The following COL4A4 variants were observed in gnomAD, a reference collection of about 807,000 sequenced individuals.
COL4A4 encodes collagen type IV alpha 4 chain.
COL4A4 carries 105 observed loss-of-function variants against 192.9 expected under a neutral mutation model. That is an observed-to-expected ratio of 0.54 (90% CI 0.46 to 0.64). The LOEUF is 0.64. Ranked by LOEUF, COL4A4 falls within the 30% of genes least tolerant of loss-of-function variation. The pLI is 0.00. For missense variants in COL4A4, 1,967 were observed against 2,169.3 expected (o/e 0.91, Z 1.85); for synonymous variants, 762 against 769.9 (o/e 0.99, Z 0.17).
At chr2:226,990,524 T>G in the COL4A4 span, among the ~76,000 whole-genome samples, 1 of 152,210 alleles carries the variant, frequency 6.6e-6, no homozygotes, top group Non-Finnish European at 1.5e-5. Context: ...GATCTATGAA[T>G]AGCAGCAAAT....
At chr2:226,973,169 G>A in the COL4A4 span, among the ~76,000 whole-genome samples, 2 of 152,092 alleles carry the variant, frequency 1.3e-5, no homozygotes, top group African/African-American at 2.4e-5. Flanking sequence ...GTGTGTGTAC[G>A]GAACTATATA....
Position 227,012,208 on chromosome 2 carries a change from C to CTG in COL4A4, c.4304_4305dup (p.Gly1436GlnfsTer117). 1 of 1,614,064 alleles carries CTG rather than the reference C, an allele frequency of 6.2e-7. No individual in the cohort carries two copies. Among genetic ancestry groups the CTG allele is most frequent in the Non-Finnish European group, 8.5e-7 (1 of 1,179,926 alleles). ...GGTCCTCCAGGGTAGCCGTCTTCTC[C>CTG]TGTGTCACCTTTACGTCCGGGAGGC... On this transcript the variant is annotated frameshift_variant, in exon 45 of 48. Transcript: ENST00000396625. LOFTEE classifies it high-confidence loss of function.
At chr2:226,989,895 A>G in the COL4A4 span, among the ~76,000 whole-genome samples, 1 of 152,176 alleles carries the variant, frequency 6.6e-6, no homozygotes, top group African/African-American at 2.4e-5. Context: ...CTCCATTTCA[A>G]GGCTTCTTGT....
Position 227,101,865 on chromosome 2 carries a change from C to T in COL4A4, c.975G>A (p.Lys325=), listed in dbSNP as rs2060543331. The stretch of plus-strand genomic sequence containing the variant: ...TATCTCTATAATGAGGTACATTTAC[C>T]TTTAATCCTGGAAAACCTGGAGATC... The part of the protein sequence containing the change: ...SYGSPGFPGL[K]GELGLVGDPG... Residue 325 remains lysine, a splice_region_variant and synonymous_variant, in exon 16 of 48, where the codon AAG becomes AAA. Coordinates refer to ENST00000396625, the MANE Select transcript of COL4A4 (RefSeq NM_000092.5). 6.3e-7 allele frequency: 1 copy of T among 1,585,356 alleles called. No homozygotes were observed.
chr2:227,018,225 CTTTTG>C (rs553521832), intron 44 of COL4A4, among the ~76,000 whole-genome samples: 37 of 152,128 alleles, frequency 2.4e-4, no homozygotes, highest in Non-Finnish European at 7.4e-5. Flanking sequence ...ACTTGCAACT[CTTTTG>C]TTTTGTTTTG....
chr2:226,974,538 G>A, the COL4A4 span, among the ~76,000 whole-genome samples: 1 of 152,148 alleles, frequency 6.6e-6, no homozygotes, highest in Non-Finnish European at 1.5e-5. Flanking sequence ...TGCCCGGCCT[G>A]GGTGTTGCTC....
intron 7 of COL4A4, among the ~76,000 whole-genome samples, chr2:227,115,909 A>G (rs1299457182): frequency 6.6e-6 from 1 of 152,228 alleles, no homozygotes; most frequent in African/African-American, 2.4e-5. Context: ...TGCATAACGT[A>G]CAAACTTCAT....
chr2:227,012,964 G>A (rs150650251), intron 44 of COL4A4, among the ~76,000 whole-genome samples: 1 of 152,188 alleles, frequency 6.6e-6, no homozygotes, highest in East Asian at 1.9e-4. Context: ...CACATGTGGA[G>A]AGGAAACTTA....
At chr2:227,045,263 A>G (rs767683025) in intron 35 of COL4A4, among the ~76,000 whole-genome samples, 1 of 152,148 alleles carries the variant, frequency 6.6e-6, no homozygotes, top group African/African-American at 2.4e-5. Context: ...GCATAGGGCC[A>G]GTTTACAGGT....
chr2:227,088,435 GCTCT>G (rs1169235868), intron 22 of COL4A4, among the ~76,000 whole-genome samples: 1 of 152,116 alleles, frequency 6.6e-6, no homozygotes, highest in African/African-American at 2.4e-5. Context: ...CCCTGTTCAT[GCTCT>G]CTGTCACCTG....
rs753656926 is a variant in COL4A4, at chr2:227,032,128, C to A, written c.3706+20G>T. 2 of 1,614,138 alleles carry A rather than the reference C, an allele frequency of 1.2e-6. No homozygotes were observed. Among genetic ancestry groups the A allele is most frequent in the Non-Finnish European group, 1.7e-6 (2 of 1,180,008 alleles). On this transcript the variant is annotated intron_variant, in intron 39 of 47. Coordinates refer to ENST00000396625, the MANE Select transcript of COL4A4 (RefSeq NM_000092.5). ...TTTGGTTTAGTTATTGAAAGAAGGG[C>A]AAAGCATGCTACAGCTTACCTGGGG...
chr2:227,025,017 A>C (rs906633366), intron 43 of COL4A4, among the ~76,000 whole-genome samples: 1 of 152,252 alleles, frequency 6.6e-6, no homozygotes, highest in African/African-American at 2.4e-5. Context: ...AAATATAAAC[A>C]TTGAAAATAC....
chr2:227,057,675 A>G (rs1464817253), intron 28 of COL4A4, 75 bp from the exon 29 acceptor site: 1 of 1,438,076 alleles, frequency 7.0e-7, no homozygotes. Context: ...TTGTTCACGC[A>G]TATCAATACT....
chr2:227,035,920 A>G (rs1442762523), intron 37 of COL4A4, among the ~76,000 whole-genome samples: 1 of 152,084 alleles, frequency 6.6e-6, no homozygotes, highest in Admixed American at 6.6e-5. Flanking sequence ...GAACTGGCCG[A>G]CCCTTATCTG....
intron 5 of COL4A4, among the ~76,000 whole-genome samples, chr2:227,120,634 G>A (rs1287191585): frequency 2.0e-5 from 3 of 152,078 alleles, no homozygotes; most frequent in Non-Finnish European, 2.9e-5. Flanking sequence ...TATACTACTC[G>A]TGGTTATAAA....
intron 6 of COL4A4, among the ~76,000 whole-genome samples, chr2:227,119,099 T>C (rs975351913): frequency 2.0e-5 from 3 of 151,950 alleles, no homozygotes; most frequent in African/African-American, 7.3e-5. Flanking sequence ...AATGGGAGTA[T>C]TAAGCTCACT....
the COL4A4 span, among the ~76,000 whole-genome samples, chr2:226,973,542 A>G: frequency 6.6e-6 from 1 of 152,242 alleles, no homozygotes; most frequent in African/African-American, 2.4e-5. Context: ...GGAGTAGTTC[A>G]TAAAATGATT....
At chr2:227,154,184 G>C (rs113728184) in intron 1 of COL4A4, among the ~76,000 whole-genome samples, 3,697 of 152,210 alleles carry the variant, frequency 0.024, 150 homozygotes, top group African/African-American at 0.084. Context: ...ATTCCGTGAG[G>C]CTTTTTTCTC....
Position 227,004,442 on chromosome 2 carries a change from AC to A in COL4A4, c.*2882del, listed in dbSNP as rs1961647616. On this transcript the variant is annotated 3_prime_UTR_variant, in exon 48 of 48. Coordinates refer to ENST00000396625, the MANE Select transcript of COL4A4 (RefSeq NM_000092.5). ...TCGAACAGTCCCCACTGGACCTTTCACCCCATAGGAAGTCATTTGGACTTCA... is the reference window on the plus strand; with the variant it reads ...TCGAACAGTCCCCACTGGACCTTTCACCCATAGGAAGTCATTTGGACTTCA... The A allele has an allele frequency of 1.3e-5, 2 of 152,324 alleles. No homozygotes were observed. The highest frequency in any genetic ancestry group is 6.5e-5 in the Admixed American group (1 of 15,292). 9.4% of individuals were successfully genotyped at this position (152,324 alleles called of 1,614,324 possible). A position where few individuals can be genotyped will look rare whatever the true frequency, so the allele number is the denominator to read the frequency against.
Sources: gnomAD v4.1 joint callset for allele counts (sites outside exome capture counted in the v4.1 genomes callset) on GRCh38, gnomAD v4.1.1 for gene constraint, MANE v1.5 for transcripts, NCBI Gene and HGNC (gene_info 2026-07-23, HGNC 2026-07-21) for gene names.